Variants in IL22 observed in about 807,000 individuals in gnomAD.
IL22 encodes the protein interleukin 22.
IL22 carries 15 observed loss-of-function variants against 15.5 expected under a neutral mutation model. That is an observed-to-expected ratio of 0.97 (90% confidence interval 0.65 to 1.49). IL22 has a LOEUF of 1.49. IL22 is among the 40% of genes most tolerant of loss of function. The pLI, the probability that IL22 is intolerant of heterozygous loss-of-function variation, is 0.00. For missense variants in IL22, 225 were observed against 215.4 expected, an observed-to-expected ratio of 1.04 and a Z score of -0.28; for synonymous variants, 91 against 82.0, an observed-to-expected ratio of 1.11 and a Z score of -0.60.
At chr12:68,251,199 G>A (rs1467597831) in intron 5 of IL22, among the ~76,000 whole-genome samples, 2 of 151,962 alleles carry the variant, frequency 1.3e-5, no homozygotes, top group African/African-American at 4.8e-5. Context: ...ATCACCACCG[G>A]GAAAAGTGCT....
chr12:68,250,801 GA>G (rs1220902939), intron 5 of IL22, among the ~76,000 whole-genome samples: 8 of 151,580 alleles, frequency 5.3e-5, no homozygotes, highest in African/African-American at 1.9e-4. Flanking sequence ...GAGAGAGGAA[GA>G]AAAAAAAGCT....
At chr12:68,251,960 T>C (rs1027817900) in intron 4 of IL22, among the ~76,000 whole-genome samples, 1 of 152,170 alleles carries the variant, frequency 6.6e-6, no homozygotes, top group Non-Finnish European at 1.5e-5. Flanking sequence ...CTTCAGTAAG[T>C]CCTAGGGCCT....
chr12:68,250,318 T>C (rs1489479938), intron 5 of IL22, among the ~76,000 whole-genome samples: 4 of 152,250 alleles, frequency 2.6e-5, no homozygotes, highest in Admixed American at 6.5e-5. Flanking sequence ...AAGCATGCCT[T>C]GTCTGTGGCA....
chr12:68,251,473 T>C (rs367645961), intron 5 of IL22, 40 bp downstream of exon 5: 29 of 1,394,958 alleles, frequency 2.1e-5, no homozygotes, highest in Non-Finnish European at 2.9e-5. Flanking sequence ...CATTTGTCTC[T>C]CCTATTGCAT....
chr12:68,251,450 G>C, intron 5 of IL22, 63 bp downstream of exon 5: 2 of 1,216,602 alleles, frequency 1.6e-6, no homozygotes, highest in Middle Eastern at 1.9e-4. Context: ...AGAAAGAAAG[G>C]AAAGAAAAAC....
chr12:68,252,068 C>CA (rs1396362553), intron 4 of IL22, among the ~76,000 whole-genome samples: 1 of 152,090 alleles, frequency 6.6e-6, no homozygotes, highest in African/African-American at 2.4e-5. Flanking sequence ...CCCATGACAT[C>CA]AACAGGGCAA....
intron 2 of IL22, 75 bp from the exon 3 acceptor site, chr12:68,252,904 C>T: frequency 9.0e-7 from 1 of 1,108,302 alleles, no homozygotes; most frequent in Non-Finnish European, 1.4e-6. Context: ...ACATGTGCCC[C>T]ATCCCGTCTC....
At chr12:68,253,537 A>G (rs1870016562) in intron 1 of IL22, 43 bp from the exon 2 acceptor site, 2 of 1,032,166 alleles carry the variant, frequency 1.9e-6, no homozygotes, top group African/African-American at 3.3e-5. Flanking sequence ...GTCAAGAAGT[A>G]TTTCATCAAA....
chr12:68,252,951 AG>A, intron 2 of IL22, 122 bp from the exon 3 acceptor site: 1 of 761,294 alleles, frequency 1.3e-6, no homozygotes, highest in Non-Finnish European at 2.2e-6. Context: ...AGCAGAATTC[AG>A]ATGTGTGCAT....
chr12:68,249,083 G>A (rs975632827), intron 5 of IL22, among the ~76,000 whole-genome samples: 10 of 152,154 alleles, frequency 6.6e-5, no homozygotes, highest in African/African-American at 2.4e-4. Context: ...CCACCAGCAG[G>A]CATCAATTTC....
rs972924631 is a variant in IL22, at chr12:68,252,637, C to A, written c.263G>T (p.Arg88Leu). The A allele has an allele frequency of 1.9e-6, 3 of 1,613,814 alleles. No homozygotes were observed. The highest frequency in any genetic ancestry group is 1.7e-6 in the Non-Finnish European group (2 of 1,179,910). Residue 88 changes from arginine (R) to leucine (L), a missense_variant, in exon 4 of 6, where the codon CGC (arginine) becomes CTC (leucine). Coordinates refer to ENST00000538666, the MANE Select transcript of IL22 (RefSeq NM_020525.5). Reference protein sequence around the residue: ...KLFHGVSMSERCYLMKQVLNF... With the variant: ...KLFHGVSMSELCYLMKQVLNF... Reference sequence around the variant, plus strand: ...CAGCACCTGCTTCATCAGATAGCAGCGCTCACTCATCTGCAGGTGGAAGGG... The same window carrying A: ...CAGCACCTGCTTCATCAGATAGCAGAGCTCACTCATCTGCAGGTGGAAGGG...
chr12:68,250,706 T>G (rs1289876528), intron 5 of IL22, among the ~76,000 whole-genome samples: 1 of 152,056 alleles, frequency 6.6e-6, no homozygotes, highest in Non-Finnish European at 1.5e-5. Flanking sequence ...ACTATAGAAA[T>G]GTACACCAGC....
At position 68,253,333 on chromosome 12, in the gene IL22, T is replaced by C. The variant is rs770110104; in HGVS notation, c.116A>G (p.His39Arg). Residue 39 changes from histidine to arginine, a missense_variant, in exon 2 of 6, where the codon CAC (histidine) becomes CGC (arginine). His to Arg is a conservative substitution (Grantham distance 29). Coordinates refer to ENST00000538666, the MANE Select transcript of IL22 (RefSeq NM_020525.5). ...GAAGTTGGACTTGTCAAGCCTGCAG[T>C]GGGAGCTGATGGGCGCAGCTGCTCC... ...QGGAAAPISS[H>R]CRLDKSNFQQ... 6.2e-7 allele frequency: 1 copy of C among 1,613,806 alleles called. No individual in the cohort carries two copies. Among genetic ancestry groups the C allele is most frequent in the South Asian group, 1.1e-5 (1 of 91,050 alleles).
chr12:68,248,728 C>T lies in IL22; in HGVS notation c.*71G>A, dbSNP rs1869821619. 7.8e-7 allele frequency: 1 copy of T among 1,283,596 alleles called. No individual in the cohort carries two copies. Among genetic ancestry groups the T allele is most frequent in the Non-Finnish European group, 1.1e-6 (1 of 897,760 alleles). 79.5% of individuals were successfully genotyped at this position (1,283,596 alleles called of 1,614,324 possible). The stretch of plus-strand genomic sequence containing the variant: ...TCTTCCTTTTGGTTAAAAAAAATCG[C>T]TTTGGGGCATCTAATTGTTATTTCT... On this transcript the variant is annotated 3_prime_UTR_variant, in exon 6 of 6. Transcript: ENST00000538666.
intron 4 of IL22, among the ~76,000 whole-genome samples, chr12:68,252,195 T>G (rs2046068): frequency 0.29 from 43,853 of 151,972 alleles, 7,048 homozygotes; most frequent in Middle Eastern, 0.44. Flanking sequence ...CATTTCCACA[T>G]CTAGATGTTT....
chr12:68,251,470 C>T (rs551451417), intron 5 of IL22, 43 bp downstream of exon 5: 1 of 1,369,088 alleles, frequency 7.3e-7, no homozygotes, highest in East Asian at 2.3e-5. Flanking sequence ...CAACATTTGT[C>T]TCTCCTATTG....
At chr12:68,249,783 T>C (rs1360507990) in intron 5 of IL22, among the ~76,000 whole-genome samples, 1 of 152,210 alleles carries the variant, frequency 6.6e-6, no homozygotes, top group Non-Finnish European at 1.5e-5. Flanking sequence ...TTTGCATTAT[T>C]TCAAGAAAAA....
intron 5 of IL22, among the ~76,000 whole-genome samples, chr12:68,251,174 C>T (rs1300255113): frequency 1.3e-5 from 2 of 152,034 alleles, no homozygotes; most frequent in African/African-American, 4.8e-5. Flanking sequence ...ATTAATGGTA[C>T]CAAAACTAAT....
At chr12:68,252,388 GACA>G (rs2120555164) in intron 4 of IL22, 113 bp downstream of exon 4, 1 of 1,037,734 alleles carries the variant, frequency 9.6e-7, no homozygotes, top group African/African-American at 1.6e-5. Context: ...CTGCTGCCAA[GACA>G]CTTCTTCCTG....
Sources: allele counts gnomAD v4.1 joint callset (sites outside exome capture counted in the v4.1 genomes callset), GRCh38; gene constraint gnomAD v4.1.1; transcripts MANE v1.5; gene names NCBI Gene and HGNC (gene_info 2026-07-23, HGNC 2026-07-21).